The following POLG2 variants were observed in gnomAD, a reference collection of about 807,000 sequenced individuals.
POLG2 encodes DNA polymerase subunit gamma-2.
Under a neutral mutation model 56.5 loss-of-function variants are expected in POLG2, and 50 were observed. The observed-to-expected ratio is 0.88, with a 90% confidence interval of 0.71 to 1.12. The LOEUF (loss-of-function observed/expected upper bound fraction) is 1.12, where lower values mean the gene tolerates loss of function less well. Ranked by LOEUF, POLG2 falls within the 50% of genes most tolerant of loss-of-function variation. The pLI, the probability that POLG2 is intolerant of heterozygous loss-of-function variation, is 0.00. For missense variants in POLG2, 584 were observed against 583.3 expected (o/e 1.00, Z -0.01); for synonymous variants, 226 against 222.6 (o/e 1.02, Z -0.14).
intron 4 of POLG2, among the ~76,000 whole-genome samples, chr17:64,488,813 C>T (rs530924358): frequency 3.9e-5 from 6 of 151,978 alleles, no homozygotes; most frequent in African/African-American, 1.2e-4. Flanking sequence ...ACTAAAAATA[C>T]AAAAATTAAC....
chr17:64,489,275 TAAAA>T lies in POLG2; in HGVS notation c.969+1517_969+1520del, dbSNP rs74269506. Among the ~76,000 whole-genome samples the T allele has an allele frequency of 5.7e-3, 814 of 142,044 alleles. 4 individuals carry two copies. The highest frequency in any genetic ancestry group is 0.011 in the Middle Eastern group (3 of 274). 93.2% of individuals were successfully genotyped at this position (142,044 alleles called of 152,430 possible). On this transcript the variant is annotated intron_variant, in intron 4 of 7. Coordinates refer to ENST00000539111, the MANE Select transcript of POLG2 (RefSeq NM_007215.4). ...GAAAGTAATCTGTGAAATACCAATT[TAAAA>T]AAAAAATGGAGGAGAAGGAAAAGCT...
intron 5 of POLG2, chr17:64,485,473 T>A: frequency 2.1e-6 from 1 of 470,356 alleles, no homozygotes; most frequent in Non-Finnish European, 3.9e-6. Context: ...GGGCTAGGAG[T>A]CATAGAGATA....
chr17:64,485,481 ATAGCT>A, intron 5 of POLG2: 1 of 496,618 alleles, frequency 2.0e-6, no homozygotes, highest in Non-Finnish European at 3.6e-6. Context: ...AGTCATAGAG[ATAGCT>A]GTCTGTTCAC....
At chr17:64,486,562 C>A (rs1434298997) in intron 4 of POLG2, among the ~76,000 whole-genome samples, 2 of 152,054 alleles carry the variant, frequency 1.3e-5, no homozygotes, top group African/African-American at 4.8e-5. Flanking sequence ...CGGGGTTTCA[C>A]CATGTTGGCC....
At chr17:64,482,377 A>G (rs1383689546) in intron 6 of POLG2, among the ~76,000 whole-genome samples, 1 of 148,950 alleles carries the variant, frequency 6.7e-6, no homozygotes, top group Non-Finnish European at 1.5e-5. Context: ...GCTGGAGTGC[A>G]GTGGTGCTAT....
At chr17:64,478,891 T>C (rs1413195767) in intron 7 of POLG2, among the ~76,000 whole-genome samples, 1 of 151,956 alleles carries the variant, frequency 6.6e-6, no homozygotes, top group Non-Finnish European at 1.5e-5. Flanking sequence ...CGAGACTCTG[T>C]CTTAAAAAAA....
At chr17:64,486,343 G>T (rs1555667473) in intron 4 of POLG2, among the ~76,000 whole-genome samples, 30 of 144,888 alleles carry the variant, frequency 2.1e-4, no homozygotes, top group South Asian at 6.5e-4. Flanking sequence ...CTCAGAGTTA[G>T]TATTCAGAAA....
chr17:64,495,033 C>T (rs945489372), intron 1 of POLG2, among the ~76,000 whole-genome samples: 7 of 151,992 alleles, frequency 4.6e-5, no homozygotes, highest in African/African-American at 1.5e-4. Flanking sequence ...ATTAGCCAGG[C>T]GTGGTGGCAA....
At chr17:64,478,201 A>C (rs2037799540) in intron 7 of POLG2, among the ~76,000 whole-genome samples, 1 of 152,230 alleles carries the variant, frequency 6.6e-6, no homozygotes, top group Admixed American at 6.5e-5. Context: ...AGAGCTGAAA[A>C]GTCATAAAAG....
Position 64,485,740 on chromosome 17 carries a change from A to G in POLG2, c.1098T>C (p.Asn366=). The G allele has an allele frequency of 6.2e-7, 1 of 1,612,990 alleles. No homozygotes were observed. The highest frequency in any genetic ancestry group is 8.5e-7 in the Non-Finnish European group (1 of 1,178,986). Residue 366 remains asparagine, a synonymous_variant, in exon 5 of 8, where the codon AAT becomes AAC. Coordinates refer to ENST00000539111, the MANE Select transcript of POLG2 (RefSeq NM_007215.4). ...ATATCAACAGCACCTTTCTATGAAGATTTTTCTTTCTTGTAAAGGAGTTCT... is the reference window on the plus strand; with the variant it reads ...ATATCAACAGCACCTTTCTATGAAGGTTTTTCTTTCTTGTAAAGGAGTTCT... ...LTENSFTRKK[N]LHRKVLKLHP...
chr17:64,488,660 T>C (rs755222167), intron 4 of POLG2, among the ~76,000 whole-genome samples: 2 of 152,220 alleles, frequency 1.3e-5, no homozygotes, highest in Non-Finnish European at 1.5e-5. Flanking sequence ...TAAGTTTCAT[T>C]TGAGAGCTGA....
At chr17:64,491,868 G>A (rs1026062392) in intron 3 of POLG2, 6 of 258,972 alleles carry the variant, frequency 2.3e-5, no homozygotes, top group Non-Finnish European at 2.9e-5. Flanking sequence ...GATTGTTGCT[G>A]AATCCTTTCA....
chr17:64,481,556 G>C, intron 6 of POLG2: 1 of 309,674 alleles, frequency 3.2e-6, no homozygotes, highest in Non-Finnish European at 4.7e-6. Context: ...TCTGAATATA[G>C]TCAGTTACCA....
intron 5 of POLG2, among the ~76,000 whole-genome samples, chr17:64,483,359 T>C (rs2037895280): frequency 6.6e-6 from 1 of 150,872 alleles, no homozygotes; most frequent in South Asian, 2.1e-4. Flanking sequence ...ACCAAAAAAA[T>C]ACAAAAAAAT....
At chr17:64,479,925 C>T (rs1405842733) in intron 7 of POLG2, among the ~76,000 whole-genome samples, 1 of 152,208 alleles carries the variant, frequency 6.6e-6, no homozygotes, top group Non-Finnish European at 1.5e-5. Context: ...TTCCCTTCCA[C>T]TCAGTCTCAG....
At chr17:64,491,926 GAA>G (rs370463874) in intron 3 of POLG2, 68 of 82,092 alleles carry the variant, frequency 8.3e-4, no homozygotes, top group African/African-American at 3.2e-3. Flanking sequence ...TGGTACTTGT[GAA>G]AAAAAAAAAA....
rs551485718 is a variant in POLG2 at position 64,485,778 on chromosome 17, A to G, written c.1060T>C (p.Phe354Leu). ...RGMLAYLYDSFQLTENSFTRK... is the reference protein window; with the variant it reads ...RGMLAYLYDSLQLTENSFTRK... ...GTAAAGGAGTTCTCTGTCAGCTGGAAAGAATCATAGAGGTAGGCCAGCATG... is the reference window on the plus strand; with the variant it reads ...GTAAAGGAGTTCTCTGTCAGCTGGAGAGAATCATAGAGGTAGGCCAGCATG... Residue 354 changes from phenylalanine to leucine, a missense_variant, in exon 5 of 8, where the codon TTC becomes CTC. Phe to Leu is a conservative substitution (Grantham distance 22, BLOSUM62 0). Coordinates refer to ENST00000539111, the MANE Select transcript of POLG2 (RefSeq NM_007215.4). 3.1e-6 allele frequency: 5 copies of G among 1,613,000 alleles called. No individual in the cohort carries two copies. The South Asian group carries it at 5.5e-5, about 18-fold the overall frequency.
At chr17:64,487,591 G>A (rs1193476327) in intron 4 of POLG2, 1 of 144,582 alleles carries the variant, frequency 6.9e-6, no homozygotes, top group African/African-American at 2.7e-5. Flanking sequence ...TCCAGCCTGG[G>A]TGACAGAGTG....
At chr17:64,494,719 CCCT>C (rs1555669144) in intron 1 of POLG2, among the ~76,000 whole-genome samples, 5 of 152,242 alleles carry the variant, frequency 3.3e-5, no homozygotes, top group African/African-American at 9.6e-5. Context: ...CCAGTGACAA[CCCT>C]CCTCAAGCCA....
Sources: allele counts gnomAD v4.1 joint callset (sites outside exome capture counted in the v4.1 genomes callset), GRCh38; gene constraint gnomAD v4.1.1; transcripts MANE v1.5; gene names NCBI Gene and HGNC (gene_info 2026-07-23, HGNC 2026-07-21).